The following DIAPH3 variants were observed in gnomAD, a reference collection of about 807,000 sequenced individuals.
DIAPH3 encodes the protein protein diaphanous homolog 3.
In DIAPH3, 117 loss-of-function variants were observed where a neutral mutation model predicts 144.3. The observed-to-expected ratio is 0.81, with a 90% CI of 0.70 to 0.95. DIAPH3 has a LOEUF of 0.95. DIAPH3 is among the 40% of genes least tolerant of loss of function. The pLI is 0.00. For missense variants in DIAPH3, 1,421 were observed against 1,412.7 expected, an observed-to-expected ratio of 1.01 and a Z score of -0.09; for synonymous variants, 519 against 488.9, an observed-to-expected ratio of 1.06 and a Z score of -0.81.
intron 19 of DIAPH3, 113 bp from the exon 20 acceptor site, chr13:59,911,949 T>G (rs1278507894): frequency 2.3e-6 from 2 of 880,440 alleles, no homozygotes; most frequent in Non-Finnish European, 3.5e-6. Flanking sequence ...TCAGTTTTAT[T>G]TCTAGGTAAC....
Position 59,752,309 on chromosome 13 carries a change from T to C in DIAPH3, c.3319+21880A>G, listed in dbSNP as rs953077864. The stretch of plus-strand genomic sequence containing the variant: ...CAAAACTAAGTAGACCCCTATAGGG[T>C]TTTCTTTACTTCAGCTACATTATTA... On this transcript the variant is annotated intron_variant, in intron 27 of 27. Transcript: ENST00000400324. 7.3e-5 allele frequency among the ~76,000 whole-genome samples: 11 copies of C among 151,386 alleles called. No homozygotes were observed. In the East Asian group the frequency reaches 1.9e-3, roughly 27 times the overall value.
chr13:59,954,075 C>T (rs2049248433), intron 17 of DIAPH3, among the ~76,000 whole-genome samples: 1 of 152,084 alleles, frequency 6.6e-6, no homozygotes, highest in Non-Finnish European at 1.5e-5. Context: ...TCAAGATGCA[C>T]CTAGTATGCT....
intron 27 of DIAPH3, among the ~76,000 whole-genome samples, chr13:59,723,778 T>C (rs1209041237): frequency 7.1e-6 from 1 of 141,172 alleles, no homozygotes; most frequent in East Asian, 2.0e-4. Context: ...ACCCAGCTAA[T>C]TTTTTTTTGT....
At chr13:59,989,515 A>T (rs2051671609) in intron 12 of DIAPH3, among the ~76,000 whole-genome samples, 1 of 151,896 alleles carries the variant, frequency 6.6e-6, no homozygotes, top group Non-Finnish European at 1.5e-5. Context: ...CCTTTGTGGC[A>T]ACCATATCTG....
At chr13:60,062,988 A>G (rs920491744) in intron 4 of DIAPH3, among the ~76,000 whole-genome samples, 1 of 152,172 alleles carries the variant, frequency 6.6e-6, no homozygotes, top group African/African-American at 2.4e-5. Flanking sequence ...AAATCAGACA[A>G]CAATGAAGTC....
chr13:60,137,667 T>G (rs533062703), intron 1 of DIAPH3, among the ~76,000 whole-genome samples: 1 of 152,204 alleles, frequency 6.6e-6, no homozygotes, highest in South Asian at 2.1e-4. Context: ...ATCAATTTAT[T>G]ATTATCAGAA....
Position 59,774,228 on chromosome 13 carries a change from G to A in DIAPH3, c.3280C>T (p.Pro1094Ser). The A allele has an allele frequency of 6.2e-7, 1 of 1,612,936 alleles. No homozygotes were observed. The highest frequency in any genetic ancestry group is 8.5e-7 in the Non-Finnish European group (1 of 1,179,544). The change falls in exon 27 of 28, where the codon CCA (proline) becomes TCA (serine). Residue 1094 changes from proline to serine, a missense_variant. Pro to Ser is a moderately conservative substitution (Grantham distance 74, BLOSUM62 -1). Transcript: ENST00000400324. Reference protein sequence around the residue: ...MPKDVRQSLSPMSQRPVLKVC... With the variant: ...MPKDVRQSLSSMSQRPVLKVC... ...TTCAGAACAGGCCTCTGAGACATTG[G>A]ACTGAGACTCTGCCGAACATCTGTT...
intron 11 of DIAPH3, 75 bp downstream of exon 11, chr13:59,991,993 T>C: frequency 8.8e-7 from 1 of 1,141,676 alleles, no homozygotes; most frequent in Non-Finnish European, 1.3e-6. Flanking sequence ...ATGAGCTAAA[T>C]ATTTGTGGCT....
chr13:59,969,348 A>T (rs1014000788), intron 17 of DIAPH3, among the ~76,000 whole-genome samples: 3 of 152,142 alleles, frequency 2.0e-5, no homozygotes, highest in Non-Finnish European at 4.4e-5. Context: ...ATCCCATGTG[A>T]CTCATAGCAA....
intron 17 of DIAPH3, among the ~76,000 whole-genome samples, chr13:59,936,883 G>A (rs375715503): frequency 1.6e-4 from 24 of 152,230 alleles, no homozygotes; most frequent in African/African-American, 5.8e-4. Context: ...AATTTGTCCA[G>A]CTGGGCACGG....
chr13:59,832,582 G>T (rs1390111340), intron 24 of DIAPH3, among the ~76,000 whole-genome samples: 2 of 151,650 alleles, frequency 1.3e-5, no homozygotes, highest in Non-Finnish European at 3.0e-5. Context: ...TGTTTGAAAA[G>T]ATATTTTTAA....
At chr13:60,077,801 C>A (rs866277838) in intron 4 of DIAPH3, among the ~76,000 whole-genome samples, 1 of 152,052 alleles carries the variant, frequency 6.6e-6, no homozygotes, top group Non-Finnish European at 1.5e-5. Context: ...GCTGGGTGCA[C>A]GCACAGTGGC....
intron 5 of DIAPH3, among the ~76,000 whole-genome samples, chr13:60,036,803 G>C (rs2055264702): frequency 6.6e-6 from 1 of 151,904 alleles, no homozygotes; most frequent in South Asian, 2.1e-4. Flanking sequence ...GAATGGAGTA[G>C]AGAGAGACAA....
chr13:59,770,519 A>C (rs928605102), intron 27 of DIAPH3, among the ~76,000 whole-genome samples: 2 of 152,114 alleles, frequency 1.3e-5, no homozygotes, highest in Non-Finnish European at 2.9e-5. Flanking sequence ...GTGTTACTAG[A>C]ATGTACAGTT....
At chr13:59,930,712 C>A (rs1167039811) in intron 17 of DIAPH3, among the ~76,000 whole-genome samples, 1 of 152,122 alleles carries the variant, frequency 6.6e-6, no homozygotes, top group Non-Finnish European at 1.5e-5. Context: ...AAGATTTAAG[C>A]ACATGAGACA....
At chr13:59,829,801 G>T (rs1479437669) in intron 24 of DIAPH3, among the ~76,000 whole-genome samples, 1 of 151,904 alleles carries the variant, frequency 6.6e-6, no homozygotes, top group Non-Finnish European at 1.5e-5. Flanking sequence ...ATAGGAAACA[G>T]TAAGTACAGT....
chr13:60,035,365 G>A (rs935570125), intron 5 of DIAPH3, among the ~76,000 whole-genome samples: 11 of 152,122 alleles, frequency 7.2e-5, no homozygotes, highest in African/African-American at 2.4e-4. Context: ...TAGAATGAAT[G>A]ACGGTATACA....
chr13:60,112,191 A>G lies in DIAPH3; in HGVS notation c.214-5T>C. The stretch of plus-strand genomic sequence containing the variant: ...TATGCTGGCAAATTTGTCCAGCTAC[A>G]AAGAAAGACAGAATGACACACGTGT... On this transcript the variant is annotated splice_region_variant and splice_polypyrimidine_tract_variant and intron_variant, in intron 2 of 27. Transcript: ENST00000400324. 2 of 1,613,914 alleles carry G rather than the reference A, an allele frequency of 1.2e-6. No individual in the cohort carries two copies. Among genetic ancestry groups the G allele is most frequent in the East Asian group, 4.5e-5 (2 of 44,866 alleles).
chr13:60,081,954 G>A (rs1445705519), intron 4 of DIAPH3, among the ~76,000 whole-genome samples: 5 of 151,678 alleles, frequency 3.3e-5, no homozygotes, highest in Non-Finnish European at 5.9e-5. Flanking sequence ...AAGAGAAAGT[G>A]CTGAAAGTGA....
Sources: gnomAD v4.1 joint callset for allele counts (sites outside exome capture counted in the v4.1 genomes callset) on GRCh38, gnomAD v4.1.1 for gene constraint, MANE v1.5 for transcripts, NCBI Gene and HGNC (gene_info 2026-07-23, HGNC 2026-07-21) for gene names.